SRP54: variants seen among roughly 807,000 people sequenced by gnomAD.
SRP54 encodes the protein signal recognition particle subunit SRP54.
Under a neutral mutation model 64.8 loss-of-function variants are expected in SRP54, and 10 were observed. The observed-to-expected ratio is 0.15, with a 90% confidence interval of 0.10 to 0.26. The LOEUF (loss-of-function observed/expected upper bound fraction) is 0.26, where lower values mean the gene tolerates loss of function less well. SRP54 is among the 10% of genes least tolerant of loss of function. SRP54 has a pLI of 1.00. For missense variants in SRP54, 325 were observed against 613.7 expected, an observed-to-expected ratio of 0.53 and a Z score of 4.97; for synonymous variants, 193 against 185.6, an observed-to-expected ratio of 1.04 and a Z score of -0.32.
chr14:35,018,921 ATTAATC>A, intron 12 of SRP54, 39 bp from the exon 13 acceptor site: 1 of 1,552,058 alleles, frequency 6.4e-7, no homozygotes, highest in Admixed American at 1.7e-5. Context: ...ATTTTGAACC[ATTAATC>A]TTAAGCTACT....
At chr14:34,998,973 ATGTGTGTGTGTGTGTGTG>A (rs34646567) in intron 2 of SRP54, among the ~76,000 whole-genome samples, 1 of 63,658 alleles carries the variant, frequency 1.6e-5, no homozygotes. Flanking sequence ...CTTTGTGTGT[ATGTGTGTGTGTGTGTGTG>A]TGTGTGTGTG....
At chr14:34,999,008 TGTGTGG>T (rs1198076054) in intron 2 of SRP54, among the ~76,000 whole-genome samples, 5,875 of 73,496 alleles carry the variant, frequency 0.08, 792 homozygotes, top group East Asian at 0.2. Context: ...TGTGTGTGTG[TGTGTGG>T]TTTTTTTTTT....
chr14:35,011,858 T>G (rs908025816), intron 8 of SRP54, among the ~76,000 whole-genome samples, 199 bp downstream of exon 8: 1 of 152,218 alleles, frequency 6.6e-6, no homozygotes. Context: ...TATAAAATTT[T>G]CATAAGTATG....
chr14:35,026,542 T>TTA (rs1473519310), intron 14 of SRP54, among the ~76,000 whole-genome samples: 11 of 152,180 alleles, frequency 7.2e-5, no homozygotes, highest in Admixed American at 7.2e-4. Flanking sequence ...GCTGCATCTC[T>TTA]TTCATTGACT....
At position 34,999,656 on chromosome 14, in the gene SRP54, TA is replaced by T. The variant is rs772528008; in HGVS notation, c.170+10del. On this transcript the variant is annotated splice_region_variant and intron_variant, in intron 3 of 15. Coordinates refer to ENST00000216774, the MANE Select transcript of SRP54 (RefSeq NM_003136.4). ...AACTAAGAGAAAATGTTAAGTAAGT[TA>T]AATCAATCAGGTAAAACACAGGCAC... 36 of 1,591,710 alleles carry T rather than the reference TA, an allele frequency of 2.3e-5. No homozygotes were observed. Among genetic ancestry groups the T allele is most frequent in the Non-Finnish European group, 3.1e-5 (36 of 1,160,164 alleles).
intron 1 of SRP54, among the ~76,000 whole-genome samples, chr14:34,994,592 T>C (rs1036923183): frequency 1.3e-5 from 2 of 152,188 alleles, no homozygotes; most frequent in African/African-American, 4.8e-5. Flanking sequence ...GTACAGTGCA[T>C]ATATAAGGCA....
chr14:35,005,723 T>C (rs538073766), intron 4 of SRP54, among the ~76,000 whole-genome samples: 1 of 152,296 alleles, frequency 6.6e-6, no homozygotes, highest in Non-Finnish European at 1.5e-5. Context: ...TATTTGCACA[T>C]AGTTTACCAA....
At chr14:34,987,246 A>T (rs2891297) in intron 1 of SRP54, among the ~76,000 whole-genome samples, 83,598 of 110,858 alleles carry the variant, frequency 0.75, 32,350 homozygotes, top group East Asian at 0.84. Flanking sequence ...AAAAAAAAAA[A>T]ATATATATAT....
chr14:34,984,833 G>A (rs1323407644), intron 1 of SRP54, among the ~76,000 whole-genome samples: 1 of 151,542 alleles, frequency 6.6e-6, no homozygotes, highest in African/African-American at 2.4e-5. Context: ...CATCTCATGA[G>A]TTGATAGTTC....
chr14:35,021,727 A>T (rs563455643), intron 13 of SRP54, among the ~76,000 whole-genome samples: 1 of 152,250 alleles, frequency 6.6e-6, no homozygotes, highest in Non-Finnish European at 1.5e-5. Context: ...ATGGATTTCA[A>T]TTTAATATGT....
Position 35,011,620 on chromosome 14 carries a change from C to A in SRP54, c.597C>A (p.Asp199Glu). The change falls in exon 8 of 16, where the codon GAC (aspartate) becomes GAA (glutamate). Residue 199 changes from aspartate (D) to glutamate (E), a missense_variant. By Grantham distance (45) the Asp-to-Glu change is conservative. Transcript: ENST00000216774. Reference protein sequence around the residue: ...VDTSGRHKQEDSLFEEMLQVA... With the variant: ...VDTSGRHKQEESLFEEMLQVA... ...CAAGTGGCCGCCACAAACAAGAAGA[C>A]TCTTTGTTTGAAGAAATGCTTCAAG... is the stretch of plus-strand genomic sequence containing the variant. The A allele has an allele frequency of 6.3e-7, 1 of 1,586,292 alleles. No homozygotes were observed. Among genetic ancestry groups the A allele is most frequent in the Non-Finnish European group, 8.6e-7 (1 of 1,163,182 alleles).
At chr14:35,018,430 GT>G (rs2044477235) in intron 11 of SRP54, among the ~76,000 whole-genome samples, 1 of 152,032 alleles carries the variant, frequency 6.6e-6, no homozygotes, top group African/African-American at 2.4e-5. Flanking sequence ...TATGTGCCTT[GT>G]TTTCAGGTTT....
rs536488308 is a variant in SRP54 at position 34,984,127 on chromosome 14, A to G, written c.-34+912A>G. On this transcript the variant is annotated intron_variant, in intron 1 of 15. Coordinates refer to ENST00000216774, the MANE Select transcript of SRP54 (RefSeq NM_003136.4). ...AATCGCTTTTTCTCAGTTTTTTGAT[A>G]TGGCCAACTGGTATTTTCTACCTTA... Among the ~76,000 whole-genome samples, 4 of 152,302 alleles carry G rather than the reference A, an allele frequency of 2.6e-5. No individual in the cohort carries two copies. In the East Asian group the frequency reaches 7.7e-4, roughly 29 times the overall value.
At chr14:34,985,198 T>C (rs1442203227) in intron 1 of SRP54, among the ~76,000 whole-genome samples, 1 of 152,182 alleles carries the variant, frequency 6.6e-6, no homozygotes, top group East Asian at 1.9e-4. Context: ...CCAGGCTTAG[T>C]GGCGCCGCCT....
At position 35,018,723 on chromosome 14, in the gene SRP54, A is replaced by G. The variant is rs578197977; in HGVS notation, c.1005A>G (p.Gln335=). The G allele has an allele frequency of 7.4e-5, 120 of 1,613,640 alleles. 1 individual carries two copies. In the South Asian group the frequency reaches 1.0e-3, roughly 14 times the overall value. ...TTACGTTGCGAGACATGTATGAGCA[A>G]TTTCAAAATATCATGAAAATGGGCC... The part of the protein sequence containing the change: ...GQFTLRDMYE[Q]FQNIMKMGPF... The change falls in exon 12 of 16, where the codon CAA becomes CAG. Residue 335 remains glutamine, a synonymous_variant. Coordinates refer to ENST00000216774, the MANE Select transcript of SRP54 (RefSeq NM_003136.4).
At chr14:35,028,416 C>T (rs1378827036) in intron 15 of SRP54, among the ~76,000 whole-genome samples, 1 of 152,134 alleles carries the variant, frequency 6.6e-6, no homozygotes, top group South Asian at 2.1e-4. Context: ...ATTTAATCAT[C>T]TTTTGTTTGT....
chr14:35,012,327 A>G (rs2044368927), intron 8 of SRP54, among the ~76,000 whole-genome samples: 1 of 152,090 alleles, frequency 6.6e-6, no homozygotes, highest in East Asian at 1.9e-4. Flanking sequence ...AAAAATATTA[A>G]TTATCATTTT....
chr14:34,995,261 A>C (rs1566643771), intron 1 of SRP54, among the ~76,000 whole-genome samples: 1 of 151,194 alleles, frequency 6.6e-6, no homozygotes, highest in African/African-American at 2.4e-5. Context: ...CGTTATGGAG[A>C]CTTAAGTTTC....
At position 34,999,529 on chromosome 14, in the gene SRP54, T is replaced by C. The variant is rs761384257; in HGVS notation, c.79-29T>C. ...GAACTGAAATGAAACATTGGGTGCTTTAAATTTCATTTATTTCTTTATTTT... is the reference window on the plus strand; with the variant it reads ...GAACTGAAATGAAACATTGGGTGCTCTAAATTTCATTTATTTCTTTATTTT... On this transcript the variant is annotated intron_variant, in intron 2 of 15. Transcript: ENST00000216774. 4.5e-6 allele frequency: 7 copies of C among 1,554,850 alleles called. No homozygotes were observed. In the Middle Eastern group the frequency reaches 9.0e-4, roughly 200 times the overall value.
Sources: gnomAD v4.1 joint callset for allele counts (sites outside exome capture counted in the v4.1 genomes callset) on GRCh38, gnomAD v4.1.1 for gene constraint, MANE v1.5 for transcripts, NCBI Gene and HGNC (gene_info 2026-07-23, HGNC 2026-07-21) for gene names.